SEC61A1: variants seen among roughly 807,000 people sequenced by gnomAD.
SEC61A1 encodes protein transport protein Sec61 subunit alpha isoform 1.
In SEC61A1, 15 loss-of-function variants were observed where a neutral mutation model predicts 55.2. The observed-to-expected ratio is 0.27, with a 90% CI of 0.18 to 0.42. SEC61A1 has a LOEUF of 0.42. Among genes scored for constraint, SEC61A1 ranks in the 10% least tolerant of loss-of-function variants. The probability of loss-of-function intolerance (pLI) is 1.00; values close to 1 mark genes in which losing one functional copy is unlikely to be tolerated. For synonymous variants in SEC61A1, 247 were observed against 234.0 expected, an observed-to-expected ratio of 1.06 and a Z score of -0.51; for missense variants, 284 against 602.6, an observed-to-expected ratio of 0.47 and a Z score of 5.53.
At chr3:128,053,140 G>T (rs910572854) in intron 2 of SEC61A1, among the ~76,000 whole-genome samples, 6 of 152,164 alleles carry the variant, frequency 3.9e-5, no homozygotes, top group African/African-American at 1.4e-4. Flanking sequence ...GTTGCTCCGA[G>T]AACAAAGCCT....
intron 8 of SEC61A1, 125 bp downstream of exon 8, chr3:128,065,162 A>G (rs762280410): frequency 9.2e-7 from 1 of 1,086,560 alleles, no homozygotes; most frequent in South Asian, 1.2e-5. Flanking sequence ...ATGAGATGGT[A>G]TTTGAAGGCA....
In SEC61A1 at chr3:128,060,672, T is replaced by C. The variant is rs773668257; in HGVS notation, c.616+11T>C. 3.1e-6 allele frequency: 5 copies of C among 1,611,594 alleles called. No homozygotes were observed. The Admixed American group carries it at 8.4e-5, about 27-fold the overall frequency. On this transcript the variant is annotated intron_variant, in intron 7 of 11. Coordinates refer to ENST00000243253, the MANE Select transcript of SEC61A1 (RefSeq NM_013336.4). ...TCAACACTGGCCGAGGTAAGGGCCC[T>C]GTGCTCCCCTGGTGGCGACAGCTTT...
At chr3:128,066,853 C>A in intron 8 of SEC61A1, 101 bp from the exon 9 acceptor site, 1 of 1,130,872 alleles carries the variant, frequency 8.8e-7, no homozygotes, top group East Asian at 2.4e-5. Context: ...ACAGGATTTC[C>A]TCCCTTGTGG....
chr3:128,059,756 T>C (rs945964397), intron 5 of SEC61A1, among the ~76,000 whole-genome samples: 1 of 152,108 alleles, frequency 6.6e-6, no homozygotes, highest in Non-Finnish European at 1.5e-5. Context: ...CATCTCCAGA[T>C]TGTGTCTCCG....
chr3:128,058,365 C>G (rs957426549), intron 5 of SEC61A1, among the ~76,000 whole-genome samples: 1 of 151,876 alleles, frequency 6.6e-6, no homozygotes, highest in Non-Finnish European at 1.5e-5. Context: ...CCCGCCACCA[C>G]GCCCAGCTAA....
Position 128,067,376 on chromosome 3 carries a change from T to C in SEC61A1, c.976-45T>C. ...AACTATTTTTGCCTTGATGCTAAAG[T>C]AAAATGAAGGAGCACTCACATGCGT... On this transcript the variant is annotated intron_variant, in intron 9 of 11. Coordinates refer to ENST00000243253, the MANE Select transcript of SEC61A1 (RefSeq NM_013336.4). The surrounding 1 kb of genome is among the most constrained non-coding windows in gnomAD (Gnocchi z 4.1). 1 of 1,572,384 alleles carries C rather than the reference T, an allele frequency of 6.4e-7. No individual in the cohort carries two copies. Among genetic ancestry groups the C allele is most frequent in the South Asian group, 1.2e-5 (1 of 85,638 alleles).
At chr3:128,066,263 TTAGGAAACATCACCAGC>T (rs902193562) in intron 8 of SEC61A1, among the ~76,000 whole-genome samples, 5 of 152,132 alleles carry the variant, frequency 3.3e-5, no homozygotes, top group Non-Finnish European at 7.4e-5. Context: ...GTGTAAAAGC[TTAGGAAACATCACCAGC>T]TAGAGAGAAG....
intron 7 of SEC61A1, among the ~76,000 whole-genome samples, chr3:128,064,522 A>G (rs748911116): frequency 1.3e-5 from 2 of 152,160 alleles, no homozygotes; most frequent in Non-Finnish European, 2.9e-5. Flanking sequence ...TAGCATGCCT[A>G]TAGTCCCAGC....
intron 8 of SEC61A1, among the ~76,000 whole-genome samples, chr3:128,066,073 C>G (rs1941969207): frequency 6.6e-6 from 1 of 151,928 alleles, no homozygotes; most frequent in African/African-American, 2.4e-5. Context: ...CCTCTGTATT[C>G]CGAGCCCTGT....
Position 128,067,374 on chromosome 3 carries a change from A to G in SEC61A1, c.976-47A>G, listed in dbSNP as rs1337829203. On this transcript the variant is annotated intron_variant, in intron 9 of 11. Coordinates refer to ENST00000243253, the MANE Select transcript of SEC61A1 (RefSeq NM_013336.4). This position sits in a 1 kb window ranked among gnomAD's most constrained non-coding sequence, Gnocchi z 4.1. ...AGAACTATTTTTGCCTTGATGCTAA[A>G]GTAAAATGAAGGAGCACTCACATGC... is the stretch of plus-strand genomic sequence containing the variant. 1 of 1,569,808 alleles carries G rather than the reference A, an allele frequency of 6.4e-7. No individual in the cohort carries two copies. The highest frequency in any genetic ancestry group is 2.2e-5 in the East Asian group (1 of 44,556).
In SEC61A1 at chr3:128,068,059, G is replaced by A. The variant is rs1559799361; in HGVS notation, c.1244G>A (p.Arg415Gln). 1.9e-6 allele frequency: 3 copies of A among 1,612,810 alleles called. No homozygotes were observed. The highest frequency in any genetic ancestry group is 1.3e-5 in the African/African-American group (1 of 74,810). Residue 415 changes from arginine to glutamine, a missense_variant and splice_region_variant, in exon 11 of 12, where the codon CGG becomes CAG. Arg to Gln is a conservative substitution (Grantham distance 43, BLOSUM62 1). Transcript: ENST00000243253. ...RETSMVHELN[R>Q]YIPTAAAFGG... ...ACCTCCATGGTCCATGAACTCAACCGGTGAGTGGTGGCCCCAGGTCCCCAA... is the reference window on the plus strand; with the variant it reads ...ACCTCCATGGTCCATGAACTCAACCAGTGAGTGGTGGCCCCAGGTCCCCAA...
At position 128,067,804 on chromosome 3, in the gene SEC61A1, C is replaced by T; in HGVS notation, c.1168-179C>T. On this transcript the variant is annotated intron_variant, in intron 10 of 11. Transcript: ENST00000243253. The surrounding 1 kb of genome is among the most constrained non-coding windows in gnomAD (Gnocchi z 4.1). ...GTAGATCAGCTGTGGGTATGAGAATCTGAATCCACACTGTAAAGTTAGACT... is the reference window on the plus strand; with the variant it reads ...GTAGATCAGCTGTGGGTATGAGAATTTGAATCCACACTGTAAAGTTAGACT... The T allele has an allele frequency of 2.9e-6, 2 of 678,570 alleles. No homozygotes were observed. The highest frequency in any genetic ancestry group is 5.1e-6 in the Non-Finnish European group (2 of 393,190). The allele number at this position is 678,570 out of a possible 1,614,324, so 42.0% of individuals were successfully genotyped here. A position where few individuals can be genotyped will look rare whatever the true frequency, so the allele number is the denominator to read the frequency against.
chr3:128,062,205 C>A (rs762428662), intron 7 of SEC61A1, among the ~76,000 whole-genome samples: 1 of 152,170 alleles, frequency 6.6e-6, no homozygotes, highest in South Asian at 2.1e-4. Flanking sequence ...CTGGCTGACA[C>A]GAGATGCATT....
Position 128,069,624 on chromosome 3 carries a change from C to G in SEC61A1, c.1393C>G (p.Gln465Glu), listed in dbSNP as rs925021505. 1.2e-6 allele frequency: 2 copies of G among 1,614,040 alleles called. No individual in the cohort carries two copies. Among genetic ancestry groups the G allele is most frequent in the Non-Finnish European group, 1.7e-6 (2 of 1,180,032 alleles). Reference sequence around the variant, plus strand: ...GTACTTTGAGATCTTCGTTAAGGAGCAAAGCGAGGTTGGCAGCATGGGGGC... The same window carrying G: ...GTACTTTGAGATCTTCGTTAAGGAGGAAAGCGAGGTTGGCAGCATGGGGGC... ...YQYFEIFVKE[Q>E]SEVGSMGALL... Residue 465 changes from glutamine (Q) to glutamate (E), a missense_variant, in exon 12 of 12, where the codon CAA becomes GAA. By Grantham distance (29) the Gln-to-Glu change is conservative (BLOSUM62 2). Transcript: ENST00000243253.
chr3:128,063,797 A>C (rs1941889093), intron 7 of SEC61A1, among the ~76,000 whole-genome samples: 1 of 152,218 alleles, frequency 6.6e-6, no homozygotes, highest in Non-Finnish European at 1.5e-5. Flanking sequence ...CTGGAACGGC[A>C]GAGGTTATCA....
At chr3:128,063,114 G>A (rs1260062535) in intron 7 of SEC61A1, among the ~76,000 whole-genome samples, 2 of 152,166 alleles carry the variant, frequency 1.3e-5, no homozygotes, top group African/African-American at 4.8e-5. Context: ...CAGCTACCAA[G>A]TTATTTTGGT....
chr3:128,058,232 G>A (rs1228881581), intron 5 of SEC61A1, among the ~76,000 whole-genome samples: 1 of 108,924 alleles, frequency 9.2e-6, no homozygotes, highest in African/African-American at 3.7e-5. Context: ...TTTTTGAGAC[G>A]GAGTCTCACT....
At chr3:128,065,759 C>A (rs533297936) in intron 8 of SEC61A1, among the ~76,000 whole-genome samples, 3 of 40,490 alleles carry the variant, frequency 7.4e-5, no homozygotes, top group Non-Finnish European at 1.5e-4. Context: ...TTTTTTGAGA[C>A]GGAGTCTTGC....
At chr3:128,068,758 A>ACTCTTCAGTCTGCACAGTC (rs1392647500) in intron 11 of SEC61A1, 2 of 152,652 alleles carry the variant, frequency 1.3e-5, no homozygotes, top group African/African-American at 4.8e-5. Context: ...CTGCCACAGC[A>ACTCTTCAGTCTGCACAGTC]CTCTTCAGTC....
Sources: allele counts gnomAD v4.1 joint callset (sites outside exome capture counted in the v4.1 genomes callset), GRCh38; gene constraint gnomAD v4.1.1; non-coding constraint Gnocchi (gnomAD v3.1); transcripts MANE v1.5; gene names NCBI Gene and HGNC (gene_info 2026-07-23, HGNC 2026-07-21).